The following PCDH7 variants were observed in gnomAD, a reference collection of about 807,000 sequenced individuals.
PCDH7 encodes protocadherin 7, also known as protocadherin-7.
A neutral mutation model predicts 58.9 loss-of-function variants in PCDH7; 17 were observed. The observed-to-expected ratio is 0.29, with a 90% CI of 0.20 to 0.43. PCDH7 has a LOEUF of 0.43. Ranked by LOEUF, PCDH7 falls within the 20% of genes least tolerant of loss-of-function variation. The probability of loss-of-function intolerance (pLI) is 1.00; values close to 1 mark genes in which losing one functional copy is unlikely to be tolerated. For missense variants in PCDH7, 1,274 were observed against 1,441.0 expected, an observed-to-expected ratio of 0.88 and a Z score of 1.88; for synonymous variants, 664 against 616.4, an observed-to-expected ratio of 1.08 and a Z score of -1.14.
intron 2 of PCDH7, among the ~76,000 whole-genome samples, chr4:30,948,473 A>C (rs1746982497): frequency 6.6e-6 from 1 of 152,106 alleles, no homozygotes; most frequent in Admixed American, 6.5e-5. Context: ...AATTAGGTTT[A>C]ATTTTTTCAA....
chr4:30,788,806 A>T (rs1437803722), intron 1 of PCDH7, among the ~76,000 whole-genome samples: 2 of 152,182 alleles, frequency 1.3e-5, no homozygotes, highest in African/African-American at 4.8e-5. Flanking sequence ...ACAGCCAGAC[A>T]TGAGGGACAC....
In PCDH7 at chr4:30,723,718, G is replaced by A. The variant is rs1429462061; in HGVS notation, c.2296G>A (p.Val766Met). 6.2e-7 allele frequency: 1 copy of A among 1,614,192 alleles called. No homozygotes were observed. The highest frequency in any genetic ancestry group is 1.1e-5 in the South Asian group (1 of 91,088). ...TAATGTCAGGACAGTAGTAGCTACA[G>A]TGTTGGCAACAGACAGTGATGATGG... Residue 766 changes from valine (V) to methionine (M), a missense_variant, in exon 1 of 2, where the codon GTG (valine) becomes ATG (methionine). Physicochemically the swap from Val to Met is conservative, Grantham distance 21. Around this residue, in one of 3 missense-constraint regions of PCDH7, gnomAD observed 731 missense variants for 881.9 expected, o/e 0.83. Coordinates refer to ENST00000361762, the Ensembl canonical transcript of PCDH7. This position sits in a 1 kb window ranked among gnomAD's most constrained non-coding sequence, Gnocchi z 4.6.
chr4:31,005,090 C>T (rs928560097), intron 3 of PCDH7, among the ~76,000 whole-genome samples: 6 of 152,230 alleles, frequency 3.9e-5, no homozygotes, highest in Admixed American at 2.0e-4. Flanking sequence ...TGTAGTTAAG[C>T]GTATGTGGCC....
intron 3 of PCDH7, among the ~76,000 whole-genome samples, chr4:31,131,748 A>C (rs753235327): frequency 6.6e-6 from 1 of 152,218 alleles, no homozygotes; most frequent in Non-Finnish European, 1.5e-5. Flanking sequence ...TTCAATAGGC[A>C]ATCCCAAGCA....
intron 3 of PCDH7, among the ~76,000 whole-genome samples, chr4:30,981,064 G>C (rs1024972074): frequency 1.3e-5 from 2 of 152,262 alleles, no homozygotes; most frequent in African/African-American, 4.8e-5. Flanking sequence ...GGCTGGTCTT[G>C]AACTCCTGAC....
chr4:30,995,466 C>T (rs1474235428), intron 3 of PCDH7, among the ~76,000 whole-genome samples: 12 of 151,406 alleles, frequency 7.9e-5, no homozygotes, highest in Admixed American at 4.0e-4. Flanking sequence ...GAGTCGAGAT[C>T]GTGCCACTGC....
intron 3 of PCDH7, among the ~76,000 whole-genome samples, chr4:31,125,926 A>G (rs531907307): frequency 2.0e-5 from 3 of 152,134 alleles, no homozygotes; most frequent in Non-Finnish European, 4.4e-5. Context: ...TGTCTTGTGG[A>G]TCAAGATGTT....
chr4:30,981,885 C>T (rs1750602516), intron 3 of PCDH7, among the ~76,000 whole-genome samples: 1 of 152,190 alleles, frequency 6.6e-6, no homozygotes. Context: ...GAATGCCATT[C>T]ACCATTGTTG....
chr4:30,742,257 T>A (rs146642079), intron 1 of PCDH7, among the ~76,000 whole-genome samples: 1 of 152,146 alleles, frequency 6.6e-6, no homozygotes. Context: ...GTAACTGCAC[T>A]GCTTAGCCAG....
intron 1 of PCDH7, among the ~76,000 whole-genome samples, chr4:30,886,283 AC>A: frequency 6.7e-6 from 1 of 149,690 alleles, no homozygotes; most frequent in South Asian, 2.1e-4. Context: ...CAAGAAAAAA[AC>A]AAACAACCCC....
At chr4:30,889,949 A>G (rs544996749) in intron 1 of PCDH7, among the ~76,000 whole-genome samples, 11 of 152,318 alleles carry the variant, frequency 7.2e-5, no homozygotes, top group Middle Eastern at 3.4e-3. Flanking sequence ...CTTTGTAGGC[A>G]GACAAATACA....
intron 1 of PCDH7, among the ~76,000 whole-genome samples, chr4:30,858,211 A>T (rs192545858): frequency 1.4e-3 from 219 of 152,222 alleles, no homozygotes; most frequent in African/African-American, 5.2e-3. Flanking sequence ...TACTCTTCCC[A>T]TTCTGATATA....
At chr4:31,136,052 G>A (rs1476589015) in intron 3 of PCDH7, among the ~76,000 whole-genome samples, 1 of 152,172 alleles carries the variant, frequency 6.6e-6, no homozygotes, top group Non-Finnish European at 1.5e-5. Context: ...CTAAAATCAA[G>A]GAACTTGTCC....
At chr4:30,739,850 CAG>C (rs1468941285) in intron 1 of PCDH7, among the ~76,000 whole-genome samples, 2 of 152,010 alleles carry the variant, frequency 1.3e-5, no homozygotes, top group South Asian at 2.1e-4. Flanking sequence ...GTAAATGAAA[CAG>C]AAAAAAGTTT....
Position 30,721,468 on chromosome 4 carries a change from G to A in PCDH7, c.46G>A (p.Gly16Ser). The A allele has an allele frequency of 6.3e-7, 1 of 1,576,066 alleles. No individual in the cohort carries two copies. The highest frequency in any genetic ancestry group is 2.3e-5 in the East Asian group (1 of 44,176). The change falls in exon 1 of 2, where the codon GGC (glycine) becomes AGC (serine). Residue 16 changes from glycine to serine, a missense_variant. By Grantham distance (56) the Gly-to-Ser change is moderately conservative. This residue lies in a region of PCDH7 where 212 missense variants were observed against 255.8 expected (regional missense o/e 0.83). Transcript: ENST00000361762. This position sits in a 1 kb window ranked among gnomAD's most constrained non-coding sequence, Gnocchi z 6.7. ...GGGATGGGCGCGCGGCTGGTGCTTG[G>A]GCTGCTGCCTCCTCCTGCCGCTCTC...
chr4:30,891,539 A>G (rs577126275), intron 1 of PCDH7, among the ~76,000 whole-genome samples: 1 of 152,110 alleles, frequency 6.6e-6, no homozygotes, highest in East Asian at 1.9e-4. Context: ...ATCCTTTAAG[A>G]CTTTCTCTTC....
chr4:30,830,244 A>T (rs1729599405), intron 1 of PCDH7, among the ~76,000 whole-genome samples: 1 of 152,120 alleles, frequency 6.6e-6, no homozygotes, highest in Non-Finnish European at 1.5e-5. Context: ...TGTATGTTGT[A>T]GAGTTGAATC....
chr4:30,764,235 C>T (rs1343738472), intron 1 of PCDH7, among the ~76,000 whole-genome samples: 1 of 152,050 alleles, frequency 6.6e-6, no homozygotes, highest in African/African-American at 2.4e-5. Context: ...ATCAGATGGC[C>T]CTGACCCAGC....
At chr4:30,748,287 C>G (rs1718029730) in intron 1 of PCDH7, among the ~76,000 whole-genome samples, 1 of 152,178 alleles carries the variant, frequency 6.6e-6, no homozygotes, top group South Asian at 2.1e-4. Flanking sequence ...AGGTCTCATC[C>G]TACTTCTTTG....
Sources: gnomAD v4.1 joint callset for allele counts (sites outside exome capture counted in the v4.1 genomes callset) on GRCh38, gnomAD v4.1.1 for gene constraint, gnomAD v4.1.1 regional missense constraint, Gnocchi (gnomAD v3.1) non-coding constraint, MANE v1.5 for transcripts, NCBI Gene and HGNC (gene_info 2026-07-23, HGNC 2026-07-21) for gene names.